Variants in COL5A2 observed in about 807,000 individuals in gnomAD.
COL5A2 encodes the protein collagen alpha-2(V) chain.
In COL5A2, 23 loss-of-function variants were observed where a neutral mutation model predicts 208.2. The observed-to-expected ratio is 0.11, with a 90% CI of 0.08 to 0.16. COL5A2 has a LOEUF of 0.16. Ranked by LOEUF, COL5A2 falls within the 10% of genes least tolerant of loss-of-function variation. The pLI, the probability that COL5A2 is intolerant of heterozygous loss-of-function variation, is 1.00. For synonymous variants in COL5A2, 625 were observed against 628.5 expected, an observed-to-expected ratio of 0.99 and a Z score of 0.08; for missense variants, 1,590 against 1,956.4, an observed-to-expected ratio of 0.81 and a Z score of 3.53.
intron 1 of COL5A2, among the ~76,000 whole-genome samples, chr2:189,206,331 TCTG>T (rs1368976290): frequency 6.6e-6 from 1 of 152,098 alleles, no homozygotes; most frequent in East Asian, 1.9e-4. Flanking sequence ...CAGACCAAAT[TCTG>T]CTGTCTTTAT....
chr2:189,140,300 G>A (rs1001207433), intron 1 of COL5A2, among the ~76,000 whole-genome samples: 3 of 152,086 alleles, frequency 2.0e-5, no homozygotes, highest in African/African-American at 7.2e-5. Flanking sequence ...ATTGTAAACA[G>A]AAAAAACATG....
At chr2:189,142,086 G>A (rs1397045672) in intron 1 of COL5A2, among the ~76,000 whole-genome samples, 2 of 151,994 alleles carry the variant, frequency 1.3e-5, no homozygotes, top group Admixed American at 6.6e-5. Context: ...GACTTGATAA[G>A]TTATCATTGG....
the COL5A2 span, among the ~76,000 whole-genome samples, chr2:189,384,215 C>T: frequency 6.6e-6 from 1 of 152,096 alleles, no homozygotes; most frequent in African/African-American, 2.4e-5. Context: ...CTATAATAAA[C>T]ATGAGAGTTC....
chr2:189,297,974 G>A, the COL5A2 span, among the ~76,000 whole-genome samples: 1 of 151,774 alleles, frequency 6.6e-6, no homozygotes. Flanking sequence ...GTAACTTTTG[G>A]TTATTAAAAT....
intron 7 of COL5A2, 105 bp from the exon 8 acceptor site, chr2:189,088,877 C>T: frequency 1.1e-6 from 1 of 911,704 alleles, no homozygotes; most frequent in South Asian, 1.3e-5. Flanking sequence ...TAGAATGACT[C>T]TTCTGAGAAT....
At chr2:189,369,721 T>G in the COL5A2 span, among the ~76,000 whole-genome samples, 1 of 152,224 alleles carries the variant, frequency 6.6e-6, no homozygotes, top group African/African-American at 2.4e-5. Context: ...AATTACATAA[T>G]TCCAAAACAA....
At position 189,078,400 on chromosome 2, in the gene COL5A2, A is replaced by T. The variant is rs908920054; in HGVS notation, c.1059+116T>A. On this transcript the variant is annotated intron_variant, in intron 16 of 53. Transcript: ENST00000374866. Reference sequence around the variant, plus strand: ...ACTTTATTCCAAAAGAAAAAGAAAAAAAAAAAAGGTGACCAGTACTATTAC... The same window carrying T: ...ACTTTATTCCAAAAGAAAAAGAAAATAAAAAAAGGTGACCAGTACTATTAC... The T allele has an allele frequency of 7.2e-6, 6 of 838,270 alleles. No individual in the cohort carries two copies. In the African/African-American group the frequency reaches 1.0e-4, roughly 14 times the overall value. 51.9% of individuals were successfully genotyped at this position (838,270 alleles called of 1,614,324 possible). A position where few individuals can be genotyped will look rare whatever the true frequency, so the allele number is the denominator to read the frequency against.
chr2:189,371,074 GT>G, the COL5A2 span, among the ~76,000 whole-genome samples: 1 of 151,948 alleles, frequency 6.6e-6, no homozygotes, highest in African/African-American at 2.4e-5. Flanking sequence ...AGTTCTGCTT[GT>G]TTAAAAGAGC....
intron 1 of COL5A2, among the ~76,000 whole-genome samples, chr2:189,211,914 G>C (rs920720733): frequency 2.0e-5 from 3 of 152,196 alleles, no homozygotes; most frequent in South Asian, 2.1e-4. Flanking sequence ...TCGAGCCTCT[G>C]TGATTTGAGA....
At chr2:189,052,026 T>C (rs1039906194) in intron 41 of COL5A2, 146 bp downstream of exon 41, 4 of 646,296 alleles carry the variant, frequency 6.2e-6, no homozygotes, top group Non-Finnish European at 7.7e-6. Flanking sequence ...TTTGCTGAAA[T>C]ACCAGCATGC....
intron 1 of COL5A2, among the ~76,000 whole-genome samples, chr2:189,150,476 T>C (rs1023515282): frequency 6.6e-6 from 1 of 152,168 alleles, no homozygotes; most frequent in Non-Finnish European, 1.5e-5. Flanking sequence ...CATGCTAATT[T>C]TTTATGTAAA....
At chr2:189,308,423 A>G in the COL5A2 span, among the ~76,000 whole-genome samples, 1 of 152,056 alleles carries the variant, frequency 6.6e-6, no homozygotes, top group East Asian at 1.9e-4. Context: ...AAATCAAAGT[A>G]TTTTACCCCA....
At position 189,051,400 on chromosome 2, in the gene COL5A2, C is replaced by A. The variant is rs1425213341; in HGVS notation, c.2851G>T (p.Gly951Trp). 1.9e-6 allele frequency: 3 copies of A among 1,614,042 alleles called. No homozygotes were observed. The highest frequency in any genetic ancestry group is 2.5e-6 in the Non-Finnish European group (3 of 1,179,948). Residue 951 changes from glycine (G) to tryptophan (W), a missense_variant, in exon 42 of 54, where the codon GGG (glycine) becomes TGG (tryptophan). Gly to Trp is a radical substitution (Grantham distance 184, BLOSUM62 -2). Coordinates refer to ENST00000374866, the MANE Select transcript of COL5A2 (RefSeq NM_000393.5). Reference protein sequence around the residue: ...PGLRGDPGSHGRVGDRGPAGP... With the variant: ...PGLRGDPGSHWRVGDRGPAGP... Reference sequence around the variant, plus strand: ...GCTGGTCCTCGATCTCCCACACGCCCATGAGAGCCAGGGTCCCCACGAAGA... The same window carrying A: ...GCTGGTCCTCGATCTCCCACACGCCAATGAGAGCCAGGGTCCCCACGAAGA...
At chr2:189,176,089 T>A (rs578161621) in intron 1 of COL5A2, among the ~76,000 whole-genome samples, 1 of 152,284 alleles carries the variant, frequency 6.6e-6, no homozygotes, top group East Asian at 1.9e-4. Context: ...CTGATTTTTG[T>A]ATCGTAACAA....
At chr2:189,078,420 T>A in intron 16 of COL5A2, 96 bp downstream of exon 16, 2 of 956,322 alleles carry the variant, frequency 2.1e-6, no homozygotes, top group Non-Finnish European at 3.4e-6. Flanking sequence ...TGACCAGTAC[T>A]ATTACTTTCA....
chr2:189,176,046 TC>T (rs1688672998), intron 1 of COL5A2, among the ~76,000 whole-genome samples: 1 of 152,210 alleles, frequency 6.6e-6, no homozygotes, highest in South Asian at 2.1e-4. Flanking sequence ...AATGATGTCA[TC>T]CAAATACTAC....
the COL5A2 span, among the ~76,000 whole-genome samples, chr2:189,372,716 C>T: frequency 4.3e-4 from 65 of 152,174 alleles, 1 homozygote; most frequent in African/African-American, 1.5e-3. Context: ...ATATAACTCA[C>T]ATACTTAATC....
Position 189,127,589 on chromosome 2 carries a change from T to A in COL5A2, c.98-17140A>T, listed in dbSNP as rs150453000. ...TGACAAATTACAATTTCTTTGATTGTCATGTATTTTCACCTAAAAAATAGG... is the reference window on the plus strand; with the variant it reads ...TGACAAATTACAATTTCTTTGATTGACATGTATTTTCACCTAAAAAATAGG... On this transcript the variant is annotated intron_variant, in intron 1 of 53. Coordinates refer to ENST00000374866, the MANE Select transcript of COL5A2 (RefSeq NM_000393.5). Among the ~76,000 whole-genome samples the A allele has an allele frequency of 7.6e-3, 1,151 of 152,168 alleles. 20 individuals carry two copies. The highest frequency in any genetic ancestry group is 0.026 in the African/African-American group (1,079 of 41,550).
the COL5A2 span, among the ~76,000 whole-genome samples, chr2:189,296,515 C>A: frequency 6.6e-6 from 1 of 152,144 alleles, no homozygotes; most frequent in Non-Finnish European, 1.5e-5. Flanking sequence ...AGATTGTAAC[C>A]AGCTATTACT....
Sources: gnomAD v4.1 joint callset for allele counts (sites outside exome capture counted in the v4.1 genomes callset) on GRCh38, gnomAD v4.1.1 for gene constraint, MANE v1.5 for transcripts, NCBI Gene and HGNC (gene_info 2026-07-23, HGNC 2026-07-21) for gene names.